DAB2IP: variants seen among roughly 807,000 people sequenced by gnomAD.
DAB2IP encodes the protein DAB2 interacting protein.
A neutral mutation model predicts 107.2 loss-of-function variants in DAB2IP; 28 were observed. The ratio of observed to expected loss-of-function variants is 0.26; its 90% confidence interval spans 0.19 to 0.36. DAB2IP has a LOEUF of 0.36. Among genes scored for constraint, DAB2IP ranks in the 10% least tolerant of loss-of-function variants. The pLI, the probability that DAB2IP is intolerant of heterozygous loss-of-function variation, is 1.00. For synonymous variants in DAB2IP, 755 were observed against 706.4 expected (o/e 1.07, Z -1.09); for missense variants, 1,400 against 1,644.7 (o/e 0.85, Z 2.57).
At chr9:121,704,928 A>C (rs1589550062) in intron 3 of DAB2IP, among the ~76,000 whole-genome samples, 1 of 152,216 alleles carries the variant, frequency 6.6e-6, no homozygotes, top group South Asian at 2.1e-4. Context: ...TCTCAACTGC[A>C]GCATTGTACT....
chr9:121,676,908 G>A (rs1028940778), intron 1 of DAB2IP, among the ~76,000 whole-genome samples: 2 of 152,214 alleles, frequency 1.3e-5, no homozygotes, highest in African/African-American at 4.8e-5. Flanking sequence ...GAGGAAAGTG[G>A]CCAGGTTGGC....
exon 16 of DAB2IP, chr9:121,783,197 C>T (rs565959524): frequency 8.7e-7 from 1 of 1,152,110 alleles, no homozygotes; most frequent in African/African-American, 1.6e-5. Context: ...GTTGTATTGC[C>T]AGATAGACCC....
chr9:121,710,402 AAG>A (rs1564172080), intron 3 of DAB2IP, among the ~76,000 whole-genome samples: 1 of 152,092 alleles, frequency 6.6e-6, no homozygotes, highest in Non-Finnish European at 1.5e-5. Flanking sequence ...GGCCTTAAGA[AAG>A]AGTCATCAGG....
At chr9:121,774,492 C>T in intron 13 of DAB2IP, 80 bp downstream of exon 13, 1 of 1,453,198 alleles carries the variant, frequency 6.9e-7, no homozygotes, top group Non-Finnish European at 9.1e-7. Flanking sequence ...CCCCCAGGTC[C>T]CCCAGCAACG....
chr9:121,672,382 A>G (rs986265825), intron 1 of DAB2IP, among the ~76,000 whole-genome samples: 1 of 152,226 alleles, frequency 6.6e-6, no homozygotes, highest in Non-Finnish European at 1.5e-5. Context: ...TCTTGTCTGA[A>G]ATTACAGGAT....
chr9:121,720,220 A>C lies in DAB2IP; in HGVS notation c.362+20762A>C, dbSNP rs560713881. On this transcript the variant is annotated intron_variant, in intron 3 of 15. Coordinates refer to ENST00000408936, the Ensembl canonical transcript of DAB2IP. The stretch of plus-strand genomic sequence containing the variant: ...CGGTCCTTACTTCCTTGCAGTTCTC[A>C]GGGTGTGGCAGTTGTCTGTGTGCCT... 1.7e-3 allele frequency among the ~76,000 whole-genome samples: 261 copies of C among 152,220 alleles called. 2 individuals carry two copies. Among genetic ancestry groups the C allele is most frequent in the African/African-American group, 5.8e-3 (239 of 41,544 alleles).
At chr9:121,744,852 AGGTGGT>A (rs1832612267) in intron 3 of DAB2IP, among the ~76,000 whole-genome samples, 2 of 152,004 alleles carry the variant, frequency 1.3e-5, no homozygotes. Flanking sequence ...GGCTTTGTGG[AGGTGGT>A]GGCCTTTGAG....
chr9:121,678,051 A>T (rs949427340), intron 1 of DAB2IP, among the ~76,000 whole-genome samples: 1 of 152,244 alleles, frequency 6.6e-6, no homozygotes, highest in Non-Finnish European at 1.5e-5. Context: ...ATTCAGTGGC[A>T]TGAAGTCCAT....
At chr9:121,697,413 G>A (rs2118718479) in intron 2 of DAB2IP, among the ~76,000 whole-genome samples, 1 of 152,294 alleles carries the variant, frequency 6.6e-6, no homozygotes, top group Admixed American at 6.5e-5. Context: ...ATCCAAATTA[G>A]CCAGGTGCAG....
chr9:121,757,279 G>A lies in DAB2IP; in HGVS notation c.516+113G>A, dbSNP rs1009025606. On this transcript the variant is annotated intron_variant, in intron 4 of 15. Coordinates refer to ENST00000408936, the Ensembl canonical transcript of DAB2IP. ...TGCTGTGGCCTCAGCAGGGGCCAGG[G>A]TCTTGGGGACAGTGGCTAGTAGTTA... 10 of 1,403,116 alleles carry A rather than the reference G, an allele frequency of 7.1e-6. No homozygotes were observed. In the African/African-American group the frequency reaches 1.0e-4, roughly 14 times the overall value. The allele number at this position is 1,403,116 out of a possible 1,614,324, so 86.9% of individuals were successfully genotyped here.
chr9:121,659,697 G>A (rs1833120191), intron 1 of DAB2IP, among the ~76,000 whole-genome samples: 1 of 152,192 alleles, frequency 6.6e-6, no homozygotes, highest in Non-Finnish European at 1.5e-5. Context: ...GGGAGGCTGA[G>A]GCAGGAGAAT....
intron 14 of DAB2IP, among the ~76,000 whole-genome samples, chr9:121,778,864 A>G (rs989140113): frequency 2.1e-5 from 2 of 95,644 alleles, no homozygotes; most frequent in Non-Finnish European, 2.0e-5. Context: ...TTCCCTGGCT[A>G]TTTATAAGAT....
Position 121,776,073 on chromosome 9 carries a change from G to GGC in DAB2IP, c.3121-123_3121-122dup. The GGC allele has an allele frequency of 8.9e-7, 1 of 1,120,922 alleles. No homozygotes were observed. The highest frequency in any genetic ancestry group is 2.9e-4 in the Middle Eastern group (1 of 3,494). The allele number at this position is 1,120,922 out of a possible 1,614,324, so 69.4% of individuals were successfully genotyped here. A position where few individuals can be genotyped will look rare whatever the true frequency, so the allele number is the denominator to read the frequency against. ...GGGCATCTCCTTGCTATGTGAAGTGGGCGGGTCACAGCCACTGGGGCCTTT... is the reference window on the plus strand; with the variant it reads ...GGGCATCTCCTTGCTATGTGAAGTGGGCGCGGGTCACAGCCACTGGGGCCTTT... On this transcript the variant is annotated intron_variant, in intron 13 of 15. Coordinates refer to ENST00000408936, the Ensembl canonical transcript of DAB2IP. This position sits in a 1 kb window ranked among gnomAD's most constrained non-coding sequence, Gnocchi z 5.4.
At chr9:121,766,445 C>T in intron 8 of DAB2IP, 49 bp from the exon 9 acceptor site, 3 of 1,555,114 alleles carry the variant, frequency 1.9e-6, no homozygotes, top group Non-Finnish European at 2.6e-6. Context: ...CACTCCTGTC[C>T]TGGGCCCCTG....
At chr9:121,579,729 G>T (rs1485331291) in intron 1 of DAB2IP, among the ~76,000 whole-genome samples, 3 of 152,166 alleles carry the variant, frequency 2.0e-5, no homozygotes, top group African/African-American at 7.2e-5. Flanking sequence ...CACACACCTT[G>T]GAGCTTCATC....
chr9:121,699,469 C>T lies in DAB2IP; in HGVS notation c.362+11C>T. Reference sequence around the variant, plus strand: ...CGCGGACAATGAGAGGTGAGCCCGCCGCCGCCGCCCGGTCCCCCGCGCCGC... The same window carrying T: ...CGCGGACAATGAGAGGTGAGCCCGCTGCCGCCGCCCGGTCCCCCGCGCCGC... On this transcript the variant is annotated intron_variant, in intron 3 of 15. Transcript: ENST00000408936. This position sits in a 1 kb window ranked among gnomAD's most constrained non-coding sequence, Gnocchi z 6.2. The T allele has an allele frequency of 7.5e-7, 1 of 1,325,788 alleles. No homozygotes were observed. The highest frequency in any genetic ancestry group is 9.7e-7 in the Non-Finnish European group (1 of 1,029,190). The allele number at this position is 1,325,788 out of a possible 1,614,324, so 82.1% of individuals were successfully genotyped here.
At chr9:121,622,455 G>T (rs1831507544) in intron 1 of DAB2IP, among the ~76,000 whole-genome samples, 1 of 152,186 alleles carries the variant, frequency 6.6e-6, no homozygotes, top group African/African-American at 2.4e-5. Flanking sequence ...AGGCCAGGAT[G>T]GGGACCTCCA....
chr9:121,684,696 C>G lies in DAB2IP; in HGVS notation c.228+5915C>G, dbSNP rs1254602613. Among the ~76,000 whole-genome samples the G allele has an allele frequency of 6.6e-6, 1 of 152,230 alleles. No homozygotes were observed. Among genetic ancestry groups the G allele is most frequent in the Non-Finnish European group, 1.5e-5 (1 of 68,040 alleles). ...GGCCCCGCTGCCCCCCATTTGTGCC[C>G]CTTCCAAGCTACGGAGGCTCCGGGT... On this transcript the variant is annotated intron_variant, in intron 2 of 15. Coordinates refer to ENST00000408936, the Ensembl canonical transcript of DAB2IP. The surrounding 1 kb of genome is among the most constrained non-coding windows in gnomAD (Gnocchi z 4.0).
chr9:121,719,646 T>C (rs1445071792), intron 3 of DAB2IP, among the ~76,000 whole-genome samples: 2 of 152,064 alleles, frequency 1.3e-5, no homozygotes, highest in East Asian at 1.9e-4. Flanking sequence ...CAGATTAGAC[T>C]GGGGGAGGGA....
Sources: gnomAD v4.1 joint callset for allele counts (sites outside exome capture counted in the v4.1 genomes callset) on GRCh38, gnomAD v4.1.1 for gene constraint, Gnocchi (gnomAD v3.1) non-coding constraint, MANE v1.5 for transcripts, NCBI Gene and HGNC (gene_info 2026-07-23, HGNC 2026-07-21) for gene names.